CDH19: variants seen among roughly 807,000 people sequenced by gnomAD.
CDH19 encodes the protein cadherin 19.
Under a neutral mutation model 64.2 loss-of-function variants are expected in CDH19, and 67 were observed. The observed-to-expected ratio is 1.04, with a 90% CI of 0.86 to 1.28. The LOEUF (loss-of-function observed/expected upper bound fraction) is 1.28, where lower values mean the gene tolerates loss of function less well. CDH19 is among the 50% of genes most tolerant of loss of function. The pLI is 0.00. For synonymous variants in CDH19, 346 were observed against 319.3 expected (o/e 1.08, Z -0.89); for missense variants, 1,030 against 929.0 (o/e 1.11, Z -1.41).
Position 66,509,266 on chromosome 18 carries a change from G to C in CDH19, c.1577-20C>G, listed in dbSNP as rs757783009. 37 of 1,607,094 alleles carry C rather than the reference G, an allele frequency of 2.3e-5. No homozygotes were observed. Among genetic ancestry groups the C allele is most frequent in the Non-Finnish European group, 2.9e-5 (34 of 1,175,838 alleles). Reference sequence around the variant, plus strand: ...TGTTATCTAAAACAAAAATCCATGTGCATAATTTTTTCAACTACGTAAGAG... The same window carrying C: ...TGTTATCTAAAACAAAAATCCATGTCCATAATTTTTTCAACTACGTAAGAG... On this transcript the variant is annotated intron_variant, in intron 10 of 11. Transcript: ENST00000262150.
At position 66,509,219 on chromosome 18, in the gene CDH19, C is replaced by T. The variant is rs1245492312; in HGVS notation, c.1604G>A (p.Arg535Lys). Residue 535 changes from arginine (R) to lysine (K), a missense_variant, in exon 11 of 12, where the codon AGA becomes AAA. Arg to Lys is a conservative substitution (Grantham distance 26, BLOSUM62 2). Transcript: ENST00000262150. ...TTCTTCTTGAAGGTTAAAACCAGTT[C>T]TATTAGTCAAAATGACAGCTGTGTT... ...QDNTAVILTN[R>K]TGFNLQEEPV... 4 of 1,612,350 alleles carry T rather than the reference C, an allele frequency of 2.5e-6. No homozygotes were observed. Among genetic ancestry groups the T allele is most frequent in the East Asian group, 2.2e-5 (1 of 44,840 alleles).
chr18:66,577,343 T>A (rs1368184085), intron 1 of CDH19, among the ~76,000 whole-genome samples: 2 of 151,888 alleles, frequency 1.3e-5, no homozygotes, highest in Admixed American at 1.3e-4. Context: ...TAACACATAA[T>A]GCTACAGTAA....
intron 1 of CDH19, among the ~76,000 whole-genome samples, chr18:66,585,453 G>A (rs942548366): frequency 1.3e-5 from 2 of 151,984 alleles, no homozygotes; most frequent in Admixed American, 6.6e-5. Context: ...CACCTTGGAC[G>A]AATAGCTCGA....
At chr18:66,558,178 TA>T (rs936744359) in intron 3 of CDH19, among the ~76,000 whole-genome samples, 2 of 147,740 alleles carry the variant, frequency 1.4e-5, no homozygotes, top group African/African-American at 5.0e-5. Flanking sequence ...TATATATATA[TA>T]ATATATATAT....
intron 8 of CDH19, among the ~76,000 whole-genome samples, chr18:66,534,405 C>G (rs1447620803): frequency 6.6e-6 from 1 of 151,854 alleles, no homozygotes; most frequent in Non-Finnish European, 1.5e-5. Flanking sequence ...TATCTGCTCC[C>G]TGCCTCAACA....
chr18:66,561,990 A>C (rs2144549541), intron 3 of CDH19, among the ~76,000 whole-genome samples: 1 of 152,138 alleles, frequency 6.6e-6, no homozygotes, highest in African/African-American at 2.4e-5. Context: ...TATAAAAATA[A>C]GTTCAACACA....
In CDH19 at chr18:66,501,367, G is replaced by A. The variant is rs939359409; in HGVS notation, c.*3445C>T. On this transcript the variant is annotated 3_prime_UTR_variant, in exon 12 of 12. Coordinates refer to ENST00000262150, the MANE Select transcript of CDH19 (RefSeq NM_021153.4). ...CTAATACAAAGCAAGACAAAGCCAG[G>A]GTCACTGGAAGCAGCAGTGGTCTTT... 5 of 152,156 alleles carry A rather than the reference G, an allele frequency of 3.3e-5. No homozygotes were observed. The highest frequency in any genetic ancestry group is 7.3e-5 in the Non-Finnish European group (5 of 68,056). The allele number at this position is 152,156 out of a possible 1,614,324, so 9.4% of individuals were successfully genotyped here. A position where few individuals can be genotyped will look rare whatever the true frequency, so the allele number is the denominator to read the frequency against.
chr18:66,508,463 T>C (rs1985309740), intron 11 of CDH19, among the ~76,000 whole-genome samples: 1 of 151,790 alleles, frequency 6.6e-6, no homozygotes, highest in Admixed American at 6.6e-5. Flanking sequence ...TAACAATGTG[T>C]TGTGGTCATG....
intron 1 of CDH19, among the ~76,000 whole-genome samples, chr18:66,590,965 A>C (rs1020133636): frequency 2.0e-5 from 3 of 151,598 alleles, no homozygotes; most frequent in African/African-American, 7.3e-5. Context: ...GATAATCAGC[A>C]GTGATTTTTT....
chr18:66,558,309 C>T (rs577123784), intron 3 of CDH19, among the ~76,000 whole-genome samples: 9 of 151,402 alleles, frequency 5.9e-5, no homozygotes, highest in African/African-American at 1.2e-4. Flanking sequence ...CTTAGCAATG[C>T]TCGATTTTTA....
intron 9 of CDH19, among the ~76,000 whole-genome samples, chr18:66,526,509 G>C (rs1368483506): frequency 1.3e-5 from 2 of 151,914 alleles, no homozygotes; most frequent in Non-Finnish European, 2.9e-5. Flanking sequence ...TGTTATAGAG[G>C]TACTTCAAAG....
chr18:66,517,597 T>C (rs1317089155), intron 9 of CDH19, among the ~76,000 whole-genome samples: 1 of 152,026 alleles, frequency 6.6e-6, no homozygotes. Flanking sequence ...TTTGGATTCC[T>C]CCAGAGTAGA....
intron 9 of CDH19, among the ~76,000 whole-genome samples, chr18:66,527,975 A>G (rs1160393825): frequency 1.3e-5 from 2 of 151,628 alleles, no homozygotes; most frequent in Non-Finnish European, 2.9e-5. Flanking sequence ...TATGAAATAT[A>G]ATTATAATAA....
intron 1 of CDH19, among the ~76,000 whole-genome samples, chr18:66,578,071 C>A (rs1988316752): frequency 6.6e-6 from 1 of 151,884 alleles, no homozygotes. Flanking sequence ...ACAGGATAAT[C>A]TTCCTACCTA....
At position 66,568,559 on chromosome 18, in the gene CDH19, C is replaced by T; in HGVS notation, c.347G>A (p.Arg116Lys). Residue 116 changes from arginine to lysine, a missense_variant, in exon 3 of 12, where the codon AGA (arginine) becomes AAA (lysine). Physicochemically the swap from Arg to Lys is conservative, Grantham distance 26 (BLOSUM62 2). Coordinates refer to ENST00000262150, the MANE Select transcript of CDH19 (RefSeq NM_021153.4). ...AGTAGCGATGTCTATTACCTGGGCTCTTAAGATGTAGAGGGATCGCTCCTC... is the reference window on the plus strand; with the variant it reads ...AGTAGCGATGTCTATTACCTGGGCTTTTAAGATGTAGAGGGATCGCTCCTC... ...DREERSLYIL[R>K]AQVIDIATGR... 6.2e-7 allele frequency: 1 copy of T among 1,612,350 alleles called. No individual in the cohort carries two copies. Among genetic ancestry groups the T allele is most frequent in the South Asian group, 1.1e-5 (1 of 91,022 alleles).
In CDH19 at chr18:66,544,813, G is replaced by A; in HGVS notation, c.866C>T (p.Ala289Val). The A allele has an allele frequency of 6.2e-7, 1 of 1,611,826 alleles. No homozygotes were observed. The highest frequency in any genetic ancestry group is 8.5e-7 in the Non-Finnish European group (1 of 1,178,226). ...CTCTTCAATGCTGTAATCCATTTCTGCATTCTCTCCTATGTCATTATCATA... is the reference window on the plus strand; with the variant it reads ...CTCTTCAATGCTGTAATCCATTTCTACATTCTCTCCTATGTCATTATCATA... ...MAYDNDIGEN[A>V]EMDYSIEEDD... is the part of the protein sequence containing the mutation. Residue 289 changes from alanine (A) to valine (V), a missense_variant, in exon 6 of 12, where the codon GCA becomes GTA. By Grantham distance (64) the Ala-to-Val change is moderately conservative. Transcript: ENST00000262150.
At chr18:66,537,341 G>T (rs1290233686) in intron 7 of CDH19, among the ~76,000 whole-genome samples, 1 of 151,904 alleles carries the variant, frequency 6.6e-6, no homozygotes, top group Admixed American at 6.6e-5. Context: ...ATTTGGGTTT[G>T]TCTGATGCTT....
chr18:66,572,324 G>T lies in CDH19; in HGVS notation c.-112-8C>A. The stretch of plus-strand genomic sequence containing the variant: ...TGTGTACCTTCTATATACCTAAAGC[G>T]TCAGAAACAAAACAAAATTTGACAT... On this transcript the variant is annotated splice_polypyrimidine_tract_variant and splice_region_variant and intron_variant, in intron 1 of 11. Coordinates refer to ENST00000262150, the MANE Select transcript of CDH19 (RefSeq NM_021153.4). The T allele has an allele frequency of 1.6e-6, 1 of 609,432 alleles. No homozygotes were observed. The highest frequency in any genetic ancestry group is 2.6e-6 in the Non-Finnish European group (1 of 383,914). 37.8% of individuals were successfully genotyped at this position (609,432 alleles called of 1,614,324 possible). A position where few individuals can be genotyped will look rare whatever the true frequency, so the allele number is the denominator to read the frequency against.
intron 1 of CDH19, among the ~76,000 whole-genome samples, chr18:66,577,691 C>G (rs1004606233): frequency 6.6e-6 from 1 of 151,864 alleles, no homozygotes; most frequent in Non-Finnish European, 1.5e-5. Flanking sequence ...ATCTCTGTAT[C>G]AGATCCCATT....
Sources: allele counts gnomAD v4.1 joint callset (sites outside exome capture counted in the v4.1 genomes callset), GRCh38; gene constraint gnomAD v4.1.1; transcripts MANE v1.5; gene names NCBI Gene and HGNC (gene_info 2026-07-23, HGNC 2026-07-21).